Variants in BOP1 observed in about 807,000 individuals in gnomAD.
BOP1 encodes the protein ribosome biogenesis protein BOP1.
In BOP1, 54 loss-of-function variants were observed where a neutral mutation model predicts 82.9. The observed-to-expected ratio is 0.65, with a 90% CI of 0.52 to 0.82. BOP1 has a LOEUF of 0.82. Ranked by LOEUF, BOP1 falls within the 40% of genes least tolerant of loss-of-function variation. The pLI is 0.00. For synonymous variants in BOP1, 566 were observed against 451.1 expected (o/e 1.25, Z -3.23); for missense variants, 1,170 against 1,072.0 (o/e 1.09, Z -1.28).
intron 3 of BOP1, chr8:144,268,211 A>T (rs1845425531): frequency 6.5e-7 from 1 of 1,545,530 alleles, no homozygotes; most frequent in East Asian, 2.4e-5. Flanking sequence ...GACTGCAGAC[A>T]GCCCCCACCT....
chr8:144,264,283 A>AG lies in BOP1; in HGVS notation c.919dup (p.Leu307ProfsTer13). 6.2e-7 allele frequency: 1 copy of AG among 1,611,160 alleles called. No homozygotes were observed. The highest frequency in any genetic ancestry group is 8.5e-7 in the Non-Finnish European group (1 of 1,179,554). On this transcript the variant is annotated frameshift_variant, in exon 7 of 16. Coordinates refer to ENST00000569669, the MANE Select transcript of BOP1 (RefSeq NM_015201.5). LOFTEE classifies it high-confidence loss of function. ...GTTGTACGACTCGGCGTGGCCTGGC[A>AG]GGGCCAGCTTGGGAGCAGGTACGTG...
At chr8:144,277,740 C>T (rs893396012) in intron 2 of BOP1, among the ~76,000 whole-genome samples, 8 of 148,876 alleles carry the variant, frequency 5.4e-5, no homozygotes, top group Middle Eastern at 6.4e-3. Context: ...AGCTGTGGGG[C>T]ACAGAGTCCA....
intron 2 of BOP1, among the ~76,000 whole-genome samples, chr8:144,288,537 A>C (rs1312904127): frequency 1.3e-5 from 2 of 152,186 alleles, no homozygotes; most frequent in Non-Finnish European, 2.9e-5. Context: ...CAAAAAAATA[A>C]AAAATAAAAA....
At position 144,264,151 on chromosome 8, in the gene BOP1, A is replaced by G. The variant is rs1439053301; in HGVS notation, c.979-9T>C. ...TGTTCCCACGCCAAGCGCTGTGGAG[A>G]CCAAGACACAGGGGTGGGGAGGGTC... On this transcript the variant is annotated splice_polypyrimidine_tract_variant and intron_variant, in intron 7 of 15. Coordinates refer to ENST00000569669, the MANE Select transcript of BOP1 (RefSeq NM_015201.5). 1 of 1,610,490 alleles carries G rather than the reference A, an allele frequency of 6.2e-7. No homozygotes were observed.
rs1349908952 is a variant in BOP1 at position 144,266,514 on chromosome 8, C to G, written c.391-1443G>C. On this transcript the variant is annotated intron_variant, in intron 3 of 15. Transcript: ENST00000569669. ...CTGCCACCGCGGGGCGCAGCCGAGA[C>G]CCCGCGCCTCGCCCCGGCCGGCCCG... is the stretch of plus-strand genomic sequence containing the variant. 8.1e-6 allele frequency: 8 copies of G among 988,902 alleles called. 1 individual carries two copies. In the South Asian group the frequency reaches 3.6e-4, roughly 45 times the overall value. The allele number at this position is 988,902 out of a possible 1,614,324, so 61.3% of individuals were successfully genotyped here.
intron 3 of BOP1, among the ~76,000 whole-genome samples, chr8:144,270,556 C>T (rs1845475978): frequency 6.6e-6 from 1 of 152,112 alleles, no homozygotes; most frequent in Non-Finnish European, 1.5e-5. Flanking sequence ...GTAGCAGCGG[C>T]CGAGGGCCCG....
rs1554836826 is a variant in BOP1, at chr8:144,263,471, C to CACTT, written c.1424+3_1424+6dup. The stretch of plus-strand genomic sequence containing the variant: ...CTGGCTCCCCAGCCCCCAGGGCCTC[C>CACTT]ACTTACACGGCTGCAGCCACCAGGC... On this transcript the variant is annotated splice_region_variant and intron_variant, in intron 11 of 15. Transcript: ENST00000569669. The CACTT allele has an allele frequency of 2.5e-6, 4 of 1,598,188 alleles. No individual in the cohort carries two copies. The highest frequency in any genetic ancestry group is 1.7e-5 in the Admixed American group (1 of 59,994).
At chr8:144,278,507 C>CT (rs1845609819) in intron 2 of BOP1, among the ~76,000 whole-genome samples, 1 of 152,246 alleles carries the variant, frequency 6.6e-6, no homozygotes, top group South Asian at 2.1e-4. Flanking sequence ...GGGCTCTGCC[C>CT]TCACCTCCTG....
At chr8:144,273,706 G>A (rs1845528844) in intron 3 of BOP1, among the ~76,000 whole-genome samples, 1 of 152,194 alleles carries the variant, frequency 6.6e-6, no homozygotes, top group Non-Finnish European at 1.5e-5. Context: ...GGCTGGATGA[G>A]ATCACGTCTG....
chr8:144,284,623 G>C (rs1814815014), intron 2 of BOP1, among the ~76,000 whole-genome samples: 1 of 152,176 alleles, frequency 6.6e-6, no homozygotes, highest in Non-Finnish European at 1.5e-5. Context: ...CTTCAGCACT[G>C]GAAACAGTAG....
chr8:144,264,192 G>C, intron 7 of BOP1, 33 bp downstream of exon 7: 1 of 1,608,582 alleles, frequency 6.2e-7, no homozygotes, highest in African/African-American at 1.3e-5. Context: ...GAAGCATGGG[G>C]ACAGGGTCCC....
At chr8:144,280,265 C>A (rs1276789011) in intron 2 of BOP1, among the ~76,000 whole-genome samples, 1 of 152,252 alleles carries the variant, frequency 6.6e-6, no homozygotes, top group Non-Finnish European at 1.5e-5. Context: ...CTGGTTCCAT[C>A]CCCAGCTCTG....
At chr8:144,272,043 G>C (rs1845500541) in intron 3 of BOP1, among the ~76,000 whole-genome samples, 1 of 152,112 alleles carries the variant, frequency 6.6e-6, no homozygotes, top group East Asian at 1.9e-4. Context: ...TGCTGGGGCT[G>C]ACCCAGGGAC....
At position 144,264,770 on chromosome 8, in the gene BOP1, G is replaced by C; in HGVS notation, c.607C>G (p.Leu203Val). The stretch of plus-strand genomic sequence containing the variant: ...TGGCCACTCTGCAGCCGCCGCACCA[G>C]GGCCACCTGCTCATCCGTCAGTCTC... Reference protein sequence around the residue: ...DLRLTDEQVALVRRLQSGQFG... With the variant: ...DLRLTDEQVAVVRRLQSGQFG... Residue 203 changes from leucine to valine, a missense_variant, in exon 5 of 16, where the codon CTG becomes GTG. Coordinates refer to ENST00000569669, the MANE Select transcript of BOP1 (RefSeq NM_015201.5). 6.2e-7 allele frequency: 1 copy of C among 1,605,354 alleles called. No individual in the cohort carries two copies. Among genetic ancestry groups the C allele is most frequent in the African/African-American group, 1.3e-5 (1 of 74,886 alleles).
At chr8:144,269,291 G>C (rs1845451300) in intron 3 of BOP1, among the ~76,000 whole-genome samples, 1 of 152,258 alleles carries the variant, frequency 6.6e-6, no homozygotes, top group South Asian at 2.1e-4. Context: ...AACCCTGCCA[G>C]GCCACAGCCT....
Position 144,263,955 on chromosome 8 carries a change from C to G in BOP1, c.1140+26G>C, listed in dbSNP as rs1845299173. On this transcript the variant is annotated intron_variant, in intron 8 of 15. Transcript: ENST00000569669. ...AGGTCAGCCTTGCCCCCTGTGCCAC[C>G]CCCCTGGTGTGCCACCCCCACACAC... 3.7e-6 allele frequency: 6 copies of G among 1,611,104 alleles called. No individual in the cohort carries two copies. In the African/African-American group the frequency reaches 8.0e-5, roughly 21 times the overall value.
intron 2 of BOP1, among the ~76,000 whole-genome samples, chr8:144,282,765 G>A (rs1268253968): frequency 3.9e-5 from 6 of 151,958 alleles, no homozygotes; most frequent in African/African-American, 1.5e-4. Context: ...CTTCACTCCT[G>A]AGCTCCTCAT....
chr8:144,282,112 G>A (rs564292716), intron 2 of BOP1, among the ~76,000 whole-genome samples: 29 of 152,336 alleles, frequency 1.9e-4, no homozygotes, highest in East Asian at 5.8e-4. Context: ...TCCTCGCTCC[G>A]GTGAGCCCGC....
chr8:144,267,153 C>T (rs1845392289), intron 3 of BOP1: 1 of 1,532,440 alleles, frequency 6.5e-7, no homozygotes, highest in African/African-American at 1.4e-5. Flanking sequence ...AGATCTGCAC[C>T]TTCTGCCTCA....
Sources: allele counts gnomAD v4.1 joint callset (sites outside exome capture counted in the v4.1 genomes callset), GRCh38; gene constraint gnomAD v4.1.1; transcripts MANE v1.5; gene names NCBI Gene and HGNC (gene_info 2026-07-23, HGNC 2026-07-21).